The following RABGAP1L variants were observed in gnomAD, a reference collection of about 807,000 sequenced individuals.
RABGAP1L encodes the protein RAB GTPase activating protein 1 like.
RABGAP1L carries 63 observed loss-of-function variants against 137.7 expected under a neutral mutation model. The observed-to-expected ratio is 0.46, with a 90% CI of 0.37 to 0.56. The LOEUF is 0.56. Ranked by LOEUF, RABGAP1L falls within the 20% of genes least tolerant of loss-of-function variation. The pLI is 0.00. For missense variants in RABGAP1L, 1,095 were observed against 1,244.0 expected (o/e 0.88, Z 1.80); for synonymous variants, 431 against 433.7 (o/e 0.99, Z 0.08).
intron 13 of RABGAP1L, among the ~76,000 whole-genome samples, chr1:174,402,791 A>G (rs1558203930): frequency 1.3e-5 from 2 of 152,188 alleles, no homozygotes; most frequent in Non-Finnish European, 2.9e-5. Context: ...AGCTTCTGAA[A>G]TGAGTACTTC....
chr1:174,875,707 T>G (rs1345106718), intron 19 of RABGAP1L: 2 of 984,812 alleles, frequency 2.0e-6, no homozygotes, highest in Middle Eastern at 5.2e-4. Context: ...GATAAGGAGT[T>G]TAAAAGGTAT....
At chr1:174,976,328 A>G in intron 22 of RABGAP1L, 146 bp downstream of exon 22, 1 of 671,802 alleles carries the variant, frequency 1.5e-6, no homozygotes, top group Admixed American at 3.0e-5. Context: ...CTTACTCAAC[A>G]TTTTTGTTCA....
chr1:174,241,280 A>T (rs1671802259), intron 4 of RABGAP1L, among the ~76,000 whole-genome samples: 3 of 152,146 alleles, frequency 2.0e-5, no homozygotes. Context: ...AGATGGGGCC[A>T]CTTCACTCCA....
chr1:174,230,404 AAG>A (rs1352464562), intron 3 of RABGAP1L, among the ~76,000 whole-genome samples: 1 of 152,224 alleles, frequency 6.6e-6, no homozygotes, highest in Non-Finnish European at 1.5e-5. Context: ...TAGTAAAAAA[AAG>A]AATAAAAAAA....
chr1:174,892,070 C>T lies in RABGAP1L; in HGVS notation c.2341-65387C>T, dbSNP rs551131089. Among the ~76,000 whole-genome samples the T allele has an allele frequency of 8.5e-5, 13 of 152,346 alleles. No individual in the cohort carries two copies. In the South Asian group the frequency reaches 2.3e-3, roughly 27 times the overall value. ...GTCCGGGTGGGCATGGTGGCCGCAG[C>T]GGTAGCTGGAGCCTCTGCGACTACA... is the stretch of plus-strand genomic sequence containing the variant. On this transcript the variant is annotated intron_variant, in intron 19 of 25. Coordinates refer to ENST00000681986, the MANE Select transcript of RABGAP1L (RefSeq NM_001366446.1).
intron 13 of RABGAP1L, among the ~76,000 whole-genome samples, chr1:174,404,024 C>G (rs913291039): frequency 6.6e-6 from 1 of 152,098 alleles, no homozygotes. Flanking sequence ...TTCACCAACT[C>G]TTGATTGATC....
At chr1:174,719,099 A>G (rs921105578) in intron 17 of RABGAP1L, among the ~76,000 whole-genome samples, 2 of 152,006 alleles carry the variant, frequency 1.3e-5, no homozygotes, top group African/African-American at 4.8e-5. Flanking sequence ...TCAGCTTCCC[A>G]AAGTGCTGGG....
chr1:174,516,928 AAAATAAATAAAT>A lies in RABGAP1L; in HGVS notation c.1711-120415_1711-120404del, dbSNP rs147145926. Among the ~76,000 whole-genome samples the A allele has an allele frequency of 3.2e-3, 449 of 141,138 alleles. 2 individuals are homozygous for A. Among genetic ancestry groups the A allele is most frequent in the African/African-American group, 9.5e-3 (363 of 38,224 alleles). The allele number at this position is 141,138 out of a possible 152,430, so 92.6% of individuals were successfully genotyped here. On this transcript the variant is annotated intron_variant, in intron 13 of 25. Transcript: ENST00000681986. Reference sequence around the variant, plus strand: ...GGTGACAGAGCGAGACTCTGTCTCAAAAATAAATAAATAAATAAATAAATAAATAAATAAATA... The same window carrying A: ...GGTGACAGAGCGAGACTCTGTCTCAAAAATAAATAAATAAATAAATAAATA...
intron 11 of RABGAP1L, among the ~76,000 whole-genome samples, chr1:174,320,577 A>G (rs917550677): frequency 1.3e-5 from 2 of 152,212 alleles, no homozygotes; most frequent in Admixed American, 6.5e-5. Context: ...ATGGCAGAAG[A>G]ACATAAATTG....
At chr1:174,455,218 C>T (rs781642509) in intron 13 of RABGAP1L, among the ~76,000 whole-genome samples, 1 of 151,886 alleles carries the variant, frequency 6.6e-6, no homozygotes, top group Non-Finnish European at 1.5e-5. Context: ...TATCAAGAAA[C>T]GTAGTACATA....
At chr1:174,344,849 C>T (rs997252031) in intron 11 of RABGAP1L, among the ~76,000 whole-genome samples, 2 of 152,148 alleles carry the variant, frequency 1.3e-5, no homozygotes, top group Admixed American at 1.3e-4. Flanking sequence ...GGGTATTACT[C>T]AATAAATTGT....
chr1:174,603,372 G>A (rs1015011028), intron 13 of RABGAP1L, among the ~76,000 whole-genome samples: 1 of 152,124 alleles, frequency 6.6e-6, no homozygotes, highest in Non-Finnish European at 1.5e-5. Context: ...GCACCTGGTG[G>A]CTACCATCAC....
intron 1 of RABGAP1L, among the ~76,000 whole-genome samples, chr1:174,201,256 A>G (rs981416393): frequency 2.6e-5 from 4 of 151,038 alleles, no homozygotes; most frequent in Non-Finnish European, 5.9e-5. Flanking sequence ...CACCCAGTGT[A>G]GAAATTTTTT....
At chr1:174,798,221 C>T (rs892084899) in intron 18 of RABGAP1L, among the ~76,000 whole-genome samples, 2 of 149,002 alleles carry the variant, frequency 1.3e-5, no homozygotes, top group African/African-American at 2.5e-5. Flanking sequence ...ACGGTGAAAC[C>T]CCATCTCTAC....
chr1:174,864,658 A>G (rs1218377025), intron 19 of RABGAP1L, among the ~76,000 whole-genome samples: 2 of 152,190 alleles, frequency 1.3e-5, no homozygotes, highest in Non-Finnish European at 2.9e-5. Flanking sequence ...CTCCCCCAAC[A>G]TATGGGAATT....
At chr1:174,961,315 A>G (rs895904218) in intron 20 of RABGAP1L, among the ~76,000 whole-genome samples, 4 of 152,226 alleles carry the variant, frequency 2.6e-5, no homozygotes, top group South Asian at 2.1e-4. Context: ...CTGTTTTAGT[A>G]TATTTTAGAA....
chr1:174,225,751 A>G (rs1163908230), intron 3 of RABGAP1L, among the ~76,000 whole-genome samples: 1 of 152,110 alleles, frequency 6.6e-6, no homozygotes. Context: ...CCCCTGTGTT[A>G]GAAAGACAGG....
intron 13 of RABGAP1L, among the ~76,000 whole-genome samples, chr1:174,504,611 A>G (rs1414599517): frequency 6.6e-6 from 1 of 152,182 alleles, no homozygotes; most frequent in Non-Finnish European, 1.5e-5. Context: ...TATGCCAAGA[A>G]CACACAAGAT....
chr1:174,352,570 T>G (rs1201510866), intron 11 of RABGAP1L, among the ~76,000 whole-genome samples: 2 of 152,236 alleles, frequency 1.3e-5, no homozygotes, highest in African/African-American at 4.8e-5. Context: ...TTGGATTGAT[T>G]GCTAGTGCTT....
Sources: gnomAD v4.1 joint callset for allele counts (sites outside exome capture counted in the v4.1 genomes callset) on GRCh38, gnomAD v4.1.1 for gene constraint, MANE v1.5 for transcripts, NCBI Gene and HGNC (gene_info 2026-07-23, HGNC 2026-07-21) for gene names.